CCDC154: variants seen among roughly 807,000 people sequenced by gnomAD.
CCDC154 encodes coiled-coil domain containing 154, also known as coiled-coil domain-containing protein 154.
A neutral mutation model predicts 87.5 loss-of-function variants in CCDC154; 91 were observed. The ratio of observed to expected loss-of-function variants is 1.04; its 90% CI spans 0.88 to 1.24. CCDC154 has a LOEUF of 1.24. Ranked by LOEUF, CCDC154 falls within the 50% of genes most tolerant of loss-of-function variation. The pLI is 0.00. For missense variants in CCDC154, 903 were observed against 879.2 expected (o/e 1.03, Z -0.34); for synonymous variants, 418 against 400.4 (o/e 1.04, Z -0.52).
chr16:1,434,944 G>A, intron 15 of CCDC154, 92 bp from the exon 16 acceptor site: 4 of 1,426,174 alleles, frequency 2.8e-6, no homozygotes, highest in Non-Finnish European at 3.7e-6. Context: ...GAGCCTGGAA[G>A]CCATTTATCT....
intron 11 of CCDC154, chr16:1,437,301 G>A (rs761560197): frequency 6.2e-5 from 11 of 177,894 alleles, no homozygotes; most frequent in African/African-American, 1.2e-4. Context: ...TCCTGGAAAC[G>A]TCCAGAACAG....
chr16:1,437,889 C>T lies in CCDC154; in HGVS notation c.1218G>A (p.Leu406=). 6.5e-7 allele frequency: 1 copy of T among 1,546,118 alleles called. No homozygotes were observed. The highest frequency in any genetic ancestry group is 8.7e-7 in the Non-Finnish European group (1 of 1,146,562). ...VAQLAGQLKE[L]SGHLPALSSR... Reference sequence around the variant, plus strand: ...TGCTCAGAGCCGGGAGATGGCCACTCAGCTCCTTTAACTGCCCGGCCAGCT... The same window carrying T: ...TGCTCAGAGCCGGGAGATGGCCACTTAGCTCCTTTAACTGCCCGGCCAGCT... Residue 406 remains leucine, a synonymous_variant, in exon 11 of 17, where the codon CTG becomes CTA. Coordinates refer to ENST00000389176, the MANE Select transcript of CCDC154 (RefSeq NM_001143980.3).
At chr16:1,437,543 G>C (rs1183473850) in intron 11 of CCDC154, 3 of 435,206 alleles carry the variant, frequency 6.9e-6, no homozygotes, top group Non-Finnish European at 1.2e-5. Flanking sequence ...CTGCCCCGCC[G>C]TGAGCTGCCC....
chr16:1,434,863 G>C lies in CCDC154; in HGVS notation c.1693-11C>G. The C allele has an allele frequency of 6.7e-7, 1 of 1,487,714 alleles. No individual in the cohort carries two copies. The highest frequency in any genetic ancestry group is 8.9e-7 in the Non-Finnish European group (1 of 1,120,294). The allele number at this position is 1,487,714 out of a possible 1,614,324, so 92.2% of individuals were successfully genotyped here. On this transcript the variant is annotated splice_polypyrimidine_tract_variant and intron_variant, in intron 15 of 16. Coordinates refer to ENST00000389176, the MANE Select transcript of CCDC154 (RefSeq NM_001143980.3). The stretch of plus-strand genomic sequence containing the variant: ...CATCTCCTGCGTGCGCTGTGGGACG[G>C]GGATGCTGGTGTCACCCAGGAGCCA...
Position 1,437,972 on chromosome 16 carries a change from G to T in CCDC154, c.1153-18C>A, listed in dbSNP as rs556590058. 1 of 1,541,930 alleles carries T rather than the reference G, an allele frequency of 6.5e-7. No individual in the cohort carries two copies. Among genetic ancestry groups the T allele is most frequent in the Admixed American group, 2.0e-5 (1 of 50,760 alleles). On this transcript the variant is annotated intron_variant, in intron 10 of 16. Coordinates refer to ENST00000389176, the MANE Select transcript of CCDC154 (RefSeq NM_001143980.3). ...TCTCGGAGCTGCAGGGGACAGGTGG[G>T]CACGGGGAGGCCTGGCTGAGCGCCC...
intron 15 of CCDC154, 26 bp from the exon 16 acceptor site, chr16:1,434,878 C>T (rs2038487021): frequency 1.4e-6 from 2 of 1,477,402 alleles, no homozygotes; most frequent in Non-Finnish European, 1.8e-6. Flanking sequence ...GCTGGTGTCA[C>T]CCAGGAGCCA....
rs746911929 is a variant in CCDC154 at position 1,434,743 on chromosome 16, G to A, written c.1802C>T (p.Pro601Leu). 34 of 1,545,744 alleles carry A rather than the reference G, an allele frequency of 2.2e-5. No individual in the cohort carries two copies. Among genetic ancestry groups the A allele is most frequent in the South Asian group, 5.9e-5 (5 of 84,042 alleles). The change falls in exon 16 of 17, where the codon CCG becomes CTG. Residue 601 changes from proline (P) to leucine (L), a missense_variant. Pro to Leu is a moderately conservative substitution (Grantham distance 98). Transcript: ENST00000389176. ...SWKALPSLVR[P>L]RVFIKDMAPG... ...CGCCATGTCCTTGATGAAGACCCGC[G>A]GCCTCACCAGGGATGGGAGCGCCTT... is the stretch of plus-strand genomic sequence containing the variant.
At position 1,438,667 on chromosome 16, in the gene CCDC154, T is replaced by C. The variant is rs1178585461; in HGVS notation, c.977A>G (p.Gln326Arg). The change falls in exon 9 of 17, where the codon CAG becomes CGG. Residue 326 changes from glutamine (Q) to arginine (R), a missense_variant. By Grantham distance (43) the Gln-to-Arg change is conservative (BLOSUM62 1). Coordinates refer to ENST00000389176, the MANE Select transcript of CCDC154 (RefSeq NM_001143980.3). ...GACACGGTTCAGCGACGCCTGGTTCTGCTGCACAAACTTGGTCAGCTGGGC... is the reference window on the plus strand; with the variant it reads ...GACACGGTTCAGCGACGCCTGGTTCCGCTGCACAAACTTGGTCAGCTGGGC... The part of the protein sequence containing the change: ...AVAQLTKFVQ[Q>R]NQASLNRVLL... The C allele has an allele frequency of 6.5e-7, 1 of 1,550,164 alleles. No individual in the cohort carries two copies. The highest frequency in any genetic ancestry group is 2.0e-5 in the Admixed American group (1 of 50,992).
chr16:1,443,362 G>C, intron 3 of CCDC154, 61 bp from the exon 4 acceptor site: 1 of 1,518,530 alleles, frequency 6.6e-7, no homozygotes, highest in South Asian at 1.2e-5. Context: ...ACCTGCCCCT[G>C]GAGTCCACCC....
At chr16:1,438,005 G>T (rs761756917) in intron 10 of CCDC154, 45 bp downstream of exon 10, 1 of 1,537,764 alleles carries the variant, frequency 6.5e-7, no homozygotes, top group Non-Finnish European at 8.8e-7. Context: ...CCCATCCCGT[G>T]TGCGTGGGAG....
At chr16:1,435,425 C>A in intron 14 of CCDC154, 1 of 556,902 alleles carries the variant, frequency 1.8e-6, no homozygotes, top group Admixed American at 3.3e-5. Flanking sequence ...CGGACGGCAC[C>A]CCGGTGTGGG....
At chr16:1,434,580 C>G (rs904051751) in intron 16 of CCDC154, 46 bp from the exon 17 acceptor site, 10 of 1,522,816 alleles carry the variant, frequency 6.6e-6, no homozygotes, top group South Asian at 6.1e-5. Context: ...CGCCCCACCC[C>G]CCATGGCCCA....
intron 6 of CCDC154, among the ~76,000 whole-genome samples, chr16:1,440,181 G>A (rs2038538232): frequency 6.7e-6 from 1 of 149,932 alleles, no homozygotes; most frequent in South Asian, 2.1e-4. Context: ...CGGGCGAGGT[G>A]GCTCACGCCT....
intron 11 of CCDC154, chr16:1,437,568 T>C: frequency 2.1e-6 from 1 of 471,920 alleles, no homozygotes; most frequent in Non-Finnish European, 3.7e-6. Flanking sequence ...GGCCGGGCCG[T>C]GGGCCGAGGC....
chr16:1,440,109 T>C (rs1420245176), intron 6 of CCDC154, among the ~76,000 whole-genome samples: 2 of 137,262 alleles, frequency 1.5e-5, no homozygotes, highest in Non-Finnish European at 3.0e-5. Context: ...ATCATGCCAC[T>C]GTAACTCCAG....
chr16:1,440,235 G>A (rs1298365815), intron 6 of CCDC154, among the ~76,000 whole-genome samples: 1 of 151,740 alleles, frequency 6.6e-6, no homozygotes, highest in African/African-American at 2.4e-5. Flanking sequence ...GGATCATGAG[G>A]TCAGGAGATC....
Position 1,438,614 on chromosome 16 carries a change from C to A in CCDC154, c.1025+5G>T. The A allele has an allele frequency of 2.6e-6, 4 of 1,549,024 alleles. No homozygotes were observed. Among genetic ancestry groups the A allele is most frequent in the Non-Finnish European group, 2.6e-6 (3 of 1,145,946 alleles). ...TGACAGCACCTGAGGCCCCAGGACA[C>A]CCACCAGGCTTTCTCCTCGGCCAGT... On this transcript the variant is annotated splice_donor_5th_base_variant and intron_variant, in intron 9 of 16. Coordinates refer to ENST00000389176, the MANE Select transcript of CCDC154 (RefSeq NM_001143980.3).
intron 9 of CCDC154, 193 bp from the exon 10 acceptor site, chr16:1,438,369 G>A (rs572442378): frequency 3.0e-5 from 24 of 796,732 alleles, no homozygotes; most frequent in African/African-American, 3.0e-4. Context: ...CACTCCCCAC[G>A]GCCACCAAGA....
At chr16:1,435,619 A>G (rs1479638480) in intron 14 of CCDC154, among the ~76,000 whole-genome samples, 1 of 152,186 alleles carries the variant, frequency 6.6e-6, no homozygotes, top group Non-Finnish European at 1.5e-5. Context: ...TCCACCTTCC[A>G]GGTTCGAGTG....
Sources: allele counts gnomAD v4.1 joint callset (sites outside exome capture counted in the v4.1 genomes callset), GRCh38; gene constraint gnomAD v4.1.1; transcripts MANE v1.5; gene names NCBI Gene and HGNC (gene_info 2026-07-23, HGNC 2026-07-21).